DPYSL3: variants seen among roughly 807,000 people sequenced by gnomAD.
The protein encoded by DPYSL3 is dihydropyrimidinase-related protein 3.
DPYSL3 carries 16 observed loss-of-function variants against 66.1 expected under a neutral mutation model. The observed-to-expected ratio is 0.24, with a 90% CI of 0.16 to 0.37. DPYSL3 has a LOEUF of 0.37. Ranked by LOEUF, DPYSL3 falls within the 10% of genes least tolerant of loss-of-function variation. DPYSL3 has a pLI of 1.00. For missense variants in DPYSL3, 738 were observed against 916.2 expected, an observed-to-expected ratio of 0.81 and a Z score of 2.51; for synonymous variants, 338 against 345.1, an observed-to-expected ratio of 0.98 and a Z score of 0.23.
In DPYSL3 at chr5:147,458,984, ATT is replaced by A. The variant is rs61178145; in HGVS notation, c.382-34023_382-34022del. 0.01 allele frequency among the ~76,000 whole-genome samples: 1,413 copies of A among 138,318 alleles called. 38 individuals are homozygous for A. The East Asian group carries it at 0.13, about 13-fold the overall frequency. The allele number at this position is 138,318 out of a possible 152,430, so 90.7% of individuals were successfully genotyped here. On this transcript the variant is annotated intron_variant, in intron 1 of 13. Transcript: ENST00000343218. ...TCCTAACACTATTTTTAATATTTTG[ATT>A]TTTTTTTTTTTTTTGCTAAACTTAT... is the stretch of plus-strand genomic sequence containing the variant.
In DPYSL3 at chr5:147,497,078, T is replaced by C. The variant is rs796616753; in HGVS notation, c.381+12400A>G. 1.4e-4 allele frequency among the ~76,000 whole-genome samples: 21 copies of C among 152,146 alleles called. No individual in the cohort carries two copies. In the East Asian group the frequency reaches 3.3e-3, roughly 24 times the overall value. On this transcript the variant is annotated intron_variant, in intron 1 of 13. Transcript: ENST00000343218. Reference sequence around the variant, plus strand: ...CGGAATACTATGCAGCCATAAAAAATGATGAGTTCATGTCCTTTGTAGGGA... The same window carrying C: ...CGGAATACTATGCAGCCATAAAAAACGATGAGTTCATGTCCTTTGTAGGGA...
chr5:147,454,039 C>G (rs1408954983), intron 1 of DPYSL3: 2 of 154,070 alleles, frequency 1.3e-5, no homozygotes, highest in Non-Finnish European at 2.9e-5. Context: ...TCCACAGCCA[C>G]CAGGGGGCGC....
intron 1 of DPYSL3, among the ~76,000 whole-genome samples, chr5:147,481,519 C>T: frequency 6.6e-6 from 1 of 152,190 alleles, no homozygotes; most frequent in East Asian, 1.9e-4. Context: ...TGGTTGCCCA[C>T]ACCTCCCAAG....
In DPYSL3 at chr5:147,455,381, T is replaced by C. The variant is rs551618284; in HGVS notation, c.382-30418A>G. 2.6e-5 allele frequency among the ~76,000 whole-genome samples: 4 copies of C among 152,298 alleles called. No homozygotes were observed. In the East Asian group the frequency reaches 7.7e-4, roughly 29 times the overall value. On this transcript the variant is annotated intron_variant, in intron 1 of 13. Coordinates refer to ENST00000343218, the MANE Select transcript of DPYSL3 (RefSeq NM_001197294.2). ...AAGAAAAGTCCACAGCAGTCTCCAC[T>C]TTATTTCTGTGATACTCTGCAAAGG...
rs1304916376 is a variant in DPYSL3, at chr5:147,453,238, G to A, written c.382-28275C>T. On this transcript the variant is annotated intron_variant, in intron 1 of 13. Transcript: ENST00000343218. The stretch of plus-strand genomic sequence containing the variant: ...AAACCGACACTCCAGGCGGAGCAGT[G>A]GTCCTGGGAGAGCCGCGAGCCCCGC... Among the ~76,000 whole-genome samples the A allele has an allele frequency of 2.6e-5, 4 of 152,232 alleles. No individual in the cohort carries two copies. The East Asian group carries it at 7.7e-4, about 29-fold the overall frequency.
intron 1 of DPYSL3, among the ~76,000 whole-genome samples, chr5:147,469,000 CACG>C (rs1753047457): frequency 6.6e-6 from 1 of 152,102 alleles, no homozygotes; most frequent in African/African-American, 2.4e-5. Flanking sequence ...CGCTATTTTC[CACG>C]ACAACACCAA....
chr5:147,486,528 T>C (rs1441236531), intron 1 of DPYSL3, among the ~76,000 whole-genome samples: 1 of 152,204 alleles, frequency 6.6e-6, no homozygotes, highest in African/African-American at 2.4e-5. Flanking sequence ...AATCTTTTCA[T>C]GAATATCGAT....
At chr5:147,462,367 C>G (rs561915804) in intron 1 of DPYSL3, among the ~76,000 whole-genome samples, 10 of 152,084 alleles carry the variant, frequency 6.6e-5, no homozygotes, top group African/African-American at 2.4e-4. Context: ...AAAGAACATC[C>G]CAGTAGTATA....
chr5:147,452,917 ACACACACACAT>A (rs1752764214), intron 1 of DPYSL3, among the ~76,000 whole-genome samples: 1 of 151,234 alleles, frequency 6.6e-6, no homozygotes, highest in African/African-American at 2.4e-5. Flanking sequence ...ACACACACAC[ACACACACACAT>A]AAAGTTGATC....
intron 1 of DPYSL3, among the ~76,000 whole-genome samples, chr5:147,494,293 C>A (rs1753463354): frequency 6.6e-6 from 1 of 152,050 alleles, no homozygotes; most frequent in Admixed American, 6.5e-5. Context: ...TAAACTTCCA[C>A]TTTAGAAAAC....
At chr5:147,480,544 A>G (rs1369882728) in intron 1 of DPYSL3, among the ~76,000 whole-genome samples, 8 of 152,056 alleles carry the variant, frequency 5.3e-5, no homozygotes, top group Non-Finnish European at 1.0e-4. Flanking sequence ...ATCTTGTCCA[A>G]TGTCACACAG....
intron 1 of DPYSL3, among the ~76,000 whole-genome samples, chr5:147,488,727 T>C (rs1483515263): frequency 1.3e-5 from 2 of 151,348 alleles, no homozygotes; most frequent in Non-Finnish European, 1.5e-5. Flanking sequence ...AAGAAAAAAA[T>C]ATATTGGCCA....
At chr5:147,429,490 G>C (rs967872419) in intron 1 of DPYSL3, among the ~76,000 whole-genome samples, 2 of 152,044 alleles carry the variant, frequency 1.3e-5, no homozygotes, top group African/African-American at 4.8e-5. Flanking sequence ...GTGTGTGTGT[G>C]CGTGTATAAT....
intron 1 of DPYSL3, among the ~76,000 whole-genome samples, chr5:147,483,744 C>T (rs952949384): frequency 5.3e-5 from 8 of 152,046 alleles, no homozygotes; most frequent in African/African-American, 1.7e-4. Context: ...ATAGGTGGAC[C>T]TCACCCGGAG....
Position 147,467,302 on chromosome 5 carries a change from A to C in DPYSL3, c.381+42176T>G, listed in dbSNP as rs928556070. Among the ~76,000 whole-genome samples the C allele has an allele frequency of 3.3e-5, 5 of 152,208 alleles. No individual in the cohort carries two copies. The South Asian group carries it at 1.0e-3, about 32-fold the overall frequency. ...CTGAGTGGATATGCTGACACAAAAAAGGGGAAACAGGTCTTATGAAACAGA... is the reference window on the plus strand; with the variant it reads ...CTGAGTGGATATGCTGACACAAAAACGGGGAAACAGGTCTTATGAAACAGA... On this transcript the variant is annotated intron_variant, in intron 1 of 13. Coordinates refer to ENST00000343218, the MANE Select transcript of DPYSL3 (RefSeq NM_001197294.2).
intron 2 of DPYSL3, among the ~76,000 whole-genome samples, chr5:147,423,567 T>C (rs1752129220): frequency 6.7e-6 from 1 of 150,344 alleles, no homozygotes; most frequent in Non-Finnish European, 1.5e-5. Flanking sequence ...TTTTTTGTGC[T>C]AAGTCCTGGG....
intron 1 of DPYSL3, among the ~76,000 whole-genome samples, chr5:147,468,146 A>G (rs1753037297): frequency 6.6e-6 from 1 of 152,222 alleles, no homozygotes; most frequent in Admixed American, 6.5e-5. Flanking sequence ...GTGCTAGTTA[A>G]TAGAACAATG....
chr5:147,396,316 T>G (rs2152014758), intron 12 of DPYSL3, among the ~76,000 whole-genome samples: 1 of 152,280 alleles, frequency 6.6e-6, no homozygotes, highest in African/African-American at 2.4e-5. Context: ...AGCCAGCAAC[T>G]TCCACCCAGC....
intron 1 of DPYSL3, among the ~76,000 whole-genome samples, chr5:147,435,845 C>T (rs1752403961): frequency 6.6e-6 from 1 of 152,092 alleles, no homozygotes; most frequent in Admixed American, 6.6e-5. Flanking sequence ...AAAGTGTGGG[C>T]AGTGTTTAGG....
Sources: allele counts gnomAD v4.1 joint callset (sites outside exome capture counted in the v4.1 genomes callset), GRCh38; gene constraint gnomAD v4.1.1; transcripts MANE v1.5; gene names NCBI Gene and HGNC (gene_info 2026-07-23, HGNC 2026-07-21).